ODF2: variants seen among roughly 807,000 people sequenced by gnomAD.
ODF2 encodes outer dense fiber of sperm tails 2.
A neutral mutation model predicts 110.2 loss-of-function variants in ODF2; 47 were observed. That is an observed-to-expected ratio of 0.43 (90% CI 0.34 to 0.54). The LOEUF is 0.54. Among genes scored for constraint, ODF2 ranks in the 20% least tolerant of loss-of-function variants. The pLI, the probability that ODF2 is intolerant of heterozygous loss-of-function variation, is 0.03. For missense variants in ODF2, 812 were observed against 1,054.5 expected, an observed-to-expected ratio of 0.77 and a Z score of 3.19; for synonymous variants, 352 against 397.7, an observed-to-expected ratio of 0.89 and a Z score of 1.37.
intron 2 of ODF2, among the ~76,000 whole-genome samples, chr9:128,458,169 G>C (rs1390502350): frequency 6.6e-6 from 1 of 152,072 alleles, no homozygotes; most frequent in South Asian, 2.1e-4. Flanking sequence ...CACTTTGGGG[G>C]GCCAGGTGCG....
At chr9:128,499,023 C>G in exon 20 of ODF2, 1 of 1,614,166 alleles carries the variant, frequency 6.2e-7, no homozygotes, top group Non-Finnish European at 8.5e-7. Flanking sequence ...AAGGAGCACG[C>G]ACTCTCCAAG....
chr9:128,499,285 ATATT>A (rs1271186570), intron 20 of ODF2, among the ~76,000 whole-genome samples, 159 bp downstream of exon 20: 4 of 152,116 alleles, frequency 2.6e-5, no homozygotes, highest in South Asian at 2.1e-4. Flanking sequence ...TCCTGGGTAG[ATATT>A]TATTTATTTA....
At chr9:128,456,991 T>A (rs1835037389) in intron 1 of ODF2, 5 of 1,249,604 alleles carry the variant, frequency 4.0e-6, no homozygotes, top group Non-Finnish European at 5.1e-6. Context: ...TCTGGCCCTC[T>A]GGGGCCCACT....
chr9:128,456,918 C>A, intron 1 of ODF2: 1 of 1,264,176 alleles, frequency 7.9e-7, no homozygotes, highest in African/African-American at 1.5e-5. Flanking sequence ...TTCCGTAACG[C>A]CCCTTCTCCT....
At chr9:128,498,774 T>G (rs1484415765) in intron 19 of ODF2, among the ~76,000 whole-genome samples, 199 bp downstream of exon 19, 1 of 152,204 alleles carries the variant, frequency 6.6e-6, no homozygotes, top group East Asian at 1.9e-4. Flanking sequence ...CTCTTGAGCC[T>G]CACATAGGCT....
At chr9:128,481,396 G>A (rs1187980184) in intron 8 of ODF2, among the ~76,000 whole-genome samples, 184 bp from the exon 9 acceptor site, 1 of 151,602 alleles carries the variant, frequency 6.6e-6, no homozygotes, top group Non-Finnish European at 1.5e-5. Flanking sequence ...AGGATGGCTT[G>A]AGCCCAGAAG....
chr9:128,501,221 G>A (rs1272817501), downstream of ODF2: 2 of 152,206 alleles, frequency 1.3e-5, no homozygotes, highest in Non-Finnish European at 2.9e-5. Flanking sequence ...AGAGGATGGG[G>A]TAGTGTACAG....
intron 4 of ODF2, among the ~76,000 whole-genome samples, chr9:128,462,637 T>C (rs1015892318): frequency 2.6e-5 from 4 of 151,622 alleles, no homozygotes; most frequent in African/African-American, 9.7e-5. Flanking sequence ...TCTCGCTCTG[T>C]CACCCAGGCT....
exon 21 of ODF2, chr9:128,500,264 A>C: frequency 6.2e-7 from 1 of 1,613,734 alleles, no homozygotes; most frequent in Admixed American, 1.7e-5. Context: ...GAGGCCACTT[A>C]TCAGGGCCTG....
At chr9:128,456,520 C>G in intron 1 of ODF2, 1 of 1,525,848 alleles carries the variant, frequency 6.6e-7, no homozygotes, top group African/African-American at 1.4e-5. Context: ...CTGCCGCCCG[C>G]GGGCAGGGCT....
At chr9:128,458,431 C>T (rs556383418) in intron 2 of ODF2, among the ~76,000 whole-genome samples, 1 of 147,088 alleles carries the variant, frequency 6.8e-6, no homozygotes, top group Non-Finnish European at 1.5e-5. Flanking sequence ...CACTGCACTC[C>T]AGCCTGGGCG....
chr9:128,473,196 C>G (rs1840462477), intron 7 of ODF2, 154 bp downstream of exon 7: 1 of 1,460,596 alleles, frequency 6.8e-7, no homozygotes, highest in Admixed American at 2.3e-5. Context: ...CCACCACTCT[C>G]ACTTCCCAAT....
At chr9:128,457,943 A>ATATATATT (rs1554817270) in intron 2 of ODF2, among the ~76,000 whole-genome samples, 1 of 140,422 alleles carries the variant, frequency 7.1e-6, no homozygotes, top group Non-Finnish European at 1.5e-5. Flanking sequence ...ATATATATAT[A>ATATATATT]TTTTTTTTTT....
Position 128,467,681 on chromosome 9 carries a change from G to T in ODF2, c.250-1502G>T, listed in dbSNP as rs559670360. Reference sequence around the variant, plus strand: ...AATTGCTTGAACCTGGGAGGCGGAGGTTGCAGTGAGCCGAGATGGCACTAC... The same window carrying T: ...AATTGCTTGAACCTGGGAGGCGGAGTTTGCAGTGAGCCGAGATGGCACTAC... On this transcript the variant is annotated intron_variant, in intron 4 of 20. Coordinates refer to ENST00000604420, the Ensembl canonical transcript of ODF2. Among the ~76,000 whole-genome samples the T allele has an allele frequency of 7.7e-4, 109 of 141,464 alleles. 4 individuals carry two copies. In the South Asian group the frequency reaches 0.024, roughly 31 times the overall value. 92.8% of individuals were successfully genotyped at this position (141,464 alleles called of 152,430 possible).
chr9:128,487,191 C>T (rs1354871153), intron 13 of ODF2, among the ~76,000 whole-genome samples: 2 of 152,192 alleles, frequency 1.3e-5, no homozygotes, highest in East Asian at 3.8e-4. Flanking sequence ...AAGCAATCCT[C>T]CCACCTTGGC....
At chr9:128,471,349 C>CCTGGAGGAACGGAAGGAAGAG (rs1816361610) in exon 6 of ODF2, 4 of 1,612,768 alleles carry the variant, frequency 2.5e-6, no homozygotes, top group Non-Finnish European at 3.4e-6. Context: ...CCAAAAGGTT[C>CCTGGAGGAACGGAAGGAAGAG]CTGGAGGAAC....
chr9:128,498,343 C>T, intron 18 of ODF2, 70 bp from the exon 19 acceptor site: 1 of 1,434,420 alleles, frequency 7.0e-7, no homozygotes, highest in Non-Finnish European at 9.2e-7. Flanking sequence ...GAGAGGCTGG[C>T]AGCCCCCTGG....
intron 13 of ODF2, among the ~76,000 whole-genome samples, chr9:128,487,617 C>T (rs1317683782): frequency 6.6e-6 from 1 of 152,074 alleles, no homozygotes; most frequent in African/African-American, 2.4e-5. Context: ...GAAACCCCGT[C>T]TCTACTAAAA....
At chr9:128,459,457 C>T (rs1835831299) in intron 2 of ODF2, 110 bp from the exon 2 acceptor site, 1 of 852,802 alleles carries the variant, frequency 1.2e-6, no homozygotes, top group East Asian at 2.7e-5. Context: ...GCTGGTTTTC[C>T]TAGCCATGAA....
Sources: gnomAD v4.1 joint callset for allele counts (sites outside exome capture counted in the v4.1 genomes callset) on GRCh38, gnomAD v4.1.1 for gene constraint, MANE v1.5 for transcripts, NCBI Gene and HGNC (gene_info 2026-07-23, HGNC 2026-07-21) for gene names.